FHOD3: variants seen among roughly 807,000 people sequenced by gnomAD.
FHOD3 encodes the protein FH1/FH2 domain-containing protein 3.
A neutral mutation model predicts 173.0 loss-of-function variants in FHOD3; 90 were observed. That is an observed-to-expected ratio of 0.52 (90% CI 0.44 to 0.62). FHOD3 has a LOEUF of 0.62. Ranked by LOEUF, FHOD3 falls within the 20% of genes least tolerant of loss-of-function variation. FHOD3 has a pLI of 0.00. For missense variants in FHOD3, 1,945 were observed against 2,034.7 expected (o/e 0.96, Z 0.85); for synonymous variants, 828 against 823.0 (o/e 1.01, Z -0.10).
intron 3 of FHOD3, among the ~76,000 whole-genome samples, chr18:36,458,327 T>G (rs2052343183): frequency 6.6e-6 from 1 of 152,218 alleles, no homozygotes; most frequent in Non-Finnish European, 1.5e-5. Context: ...GCTGCATTTT[T>G]GATGTCTCCC....
chr18:36,618,335 A>ATTTTTTTT, intron 9 of FHOD3, among the ~76,000 whole-genome samples: 1 of 41,516 alleles, frequency 2.4e-5, no homozygotes, highest in African/African-American at 9.8e-5. Context: ...TTTTTTTTTG[A>ATTTTTTTT]GATGGAGTTT....
intron 10 of FHOD3, among the ~76,000 whole-genome samples, chr18:36,627,910 G>C (rs1203981294): frequency 1.3e-5 from 2 of 152,158 alleles, no homozygotes; most frequent in Non-Finnish European, 2.9e-5. Flanking sequence ...CACAGAAGCT[G>C]CCTCATGTAC....
At chr18:36,542,105 A>G (rs1038315536) in intron 5 of FHOD3, among the ~76,000 whole-genome samples, 6 of 152,316 alleles carry the variant, frequency 3.9e-5, no homozygotes, top group African/African-American at 1.2e-4. Context: ...CCAACCTACC[A>G]TGGATATAGC....
intron 13 of FHOD3, 110 bp from the exon 14 acceptor site, chr18:36,657,965 C>T: frequency 1.3e-6 from 1 of 751,998 alleles, no homozygotes; most frequent in Admixed American, 2.5e-5. Context: ...GGTAGCATTT[C>T]CAGACCTGTT....
rs116611908 is a variant in FHOD3, at chr18:36,723,397, G to A, written c.3417+4682G>A. On this transcript the variant is annotated intron_variant, in intron 19 of 28. Coordinates refer to ENST00000590592, the MANE Select transcript of FHOD3 (RefSeq NM_001281740.3). ...TGTGTTGGTGGGTGTGTGGATGGGGGGCGGTTTGCCTTAATACTTTCCTAT... is the reference window on the plus strand; with the variant it reads ...TGTGTTGGTGGGTGTGTGGATGGGGAGCGGTTTGCCTTAATACTTTCCTAT... 8.3e-3 allele frequency among the ~76,000 whole-genome samples: 1,258 copies of A among 152,094 alleles called. 13 individuals carry two copies. The highest frequency in any genetic ancestry group is 0.028 in the African/African-American group (1,165 of 41,446).
intron 4 of FHOD3, among the ~76,000 whole-genome samples, chr18:36,505,485 A>C (rs1369175843): frequency 6.6e-6 from 1 of 152,218 alleles, no homozygotes; most frequent in African/African-American, 2.4e-5. Flanking sequence ...TATAGAGTGG[A>C]TCCATCAGTG....
chr18:36,708,492 C>A (rs1195476536), intron 17 of FHOD3, among the ~76,000 whole-genome samples: 1 of 152,242 alleles, frequency 6.6e-6, no homozygotes, highest in Non-Finnish European at 1.5e-5. Context: ...TATTATCTCA[C>A]AGTTTCCATC....
At chr18:36,770,220 C>G (rs1284769119) in intron 28 of FHOD3, among the ~76,000 whole-genome samples, 3 of 152,238 alleles carry the variant, frequency 2.0e-5, no homozygotes, top group African/African-American at 7.2e-5. Flanking sequence ...TTAGTCTCCA[C>G]TGGCTTTGCC....
chr18:36,578,862 T>C (rs907445998), intron 6 of FHOD3, among the ~76,000 whole-genome samples: 1 of 152,202 alleles, frequency 6.6e-6, no homozygotes, highest in Non-Finnish European at 1.5e-5. Context: ...CCTCAGGTTT[T>C]CTTTTTCTAG....
chr18:36,679,124 ATTTC>A (rs1279577229), intron 14 of FHOD3, among the ~76,000 whole-genome samples: 11 of 152,010 alleles, frequency 7.2e-5, no homozygotes, highest in African/African-American at 2.4e-4. Flanking sequence ...CAAAATTTCT[ATTTC>A]TTTCTCAATC....
intron 23 of FHOD3, 23 bp from the exon 24 acceptor site, chr18:36,746,922 A>C: frequency 6.4e-7 from 1 of 1,574,584 alleles, no homozygotes; most frequent in Non-Finnish European, 8.6e-7. Flanking sequence ...CAGTGTTTGC[A>C]GTGTTCTCGC....
chr18:36,580,399 A>G (rs1450451406), intron 6 of FHOD3, among the ~76,000 whole-genome samples: 1 of 152,222 alleles, frequency 6.6e-6, no homozygotes, highest in Non-Finnish European at 1.5e-5. Flanking sequence ...CATAATGAGG[A>G]CAAGAGAGTG....
intron 5 of FHOD3, among the ~76,000 whole-genome samples, chr18:36,540,453 G>A (rs2057164103): frequency 6.6e-6 from 1 of 152,180 alleles, no homozygotes; most frequent in African/African-American, 2.4e-5. Flanking sequence ...GTTTGGAGGT[G>A]CAGTTGGGGA....
intron 3 of FHOD3, among the ~76,000 whole-genome samples, chr18:36,426,997 T>C (rs987822155): frequency 5.9e-5 from 9 of 152,232 alleles, no homozygotes; most frequent in Admixed American, 4.6e-4. Context: ...TCACAGCCTT[T>C]GCTTTTTCCA....
intron 10 of FHOD3, among the ~76,000 whole-genome samples, chr18:36,633,147 C>G (rs1175702804): frequency 6.6e-6 from 1 of 152,212 alleles, no homozygotes; most frequent in Non-Finnish European, 1.5e-5. Context: ...GGCAGTTTCC[C>G]CTTATCTTCC....
intron 10 of FHOD3, among the ~76,000 whole-genome samples, chr18:36,643,073 G>A (rs925099118): frequency 5.9e-5 from 9 of 151,822 alleles, no homozygotes; most frequent in African/African-American, 2.2e-4. Context: ...ATATTGTCAC[G>A]TGAAGCTGGC....
chr18:36,317,814 T>C (rs1444174219), intron 1 of FHOD3, among the ~76,000 whole-genome samples: 1 of 152,228 alleles, frequency 6.6e-6, no homozygotes, highest in Non-Finnish European at 1.5e-5. Flanking sequence ...ACCTATATCC[T>C]GAATGGTATT....
chr18:36,726,508 G>A (rs1044706350), intron 19 of FHOD3, among the ~76,000 whole-genome samples: 7 of 152,042 alleles, frequency 4.6e-5, no homozygotes, highest in Admixed American at 4.6e-4. Flanking sequence ...TTCAAGAAAG[G>A]CATTTACATT....
chr18:36,666,487 T>TCATTAGACA (rs2037191844), intron 14 of FHOD3, among the ~76,000 whole-genome samples: 1 of 152,230 alleles, frequency 6.6e-6, no homozygotes, highest in African/African-American at 2.4e-5. Flanking sequence ...TTAGACAGGG[T>TCATTAGACA]GATCCTCAAT....
Sources: gnomAD v4.1 joint callset for allele counts (sites outside exome capture counted in the v4.1 genomes callset) on GRCh38, gnomAD v4.1.1 for gene constraint, MANE v1.5 for transcripts, NCBI Gene and HGNC (gene_info 2026-07-23, HGNC 2026-07-21) for gene names.